Variants in CNOT1 observed in about 807,000 individuals in gnomAD.
The protein encoded by CNOT1 is CCR4-NOT transcription complex subunit 1, also known as CCR4-associated factor 1.
CNOT1 carries 15 observed loss-of-function variants against 273.8 expected under a neutral mutation model. The observed-to-expected ratio is 0.05, with a 90% CI of 0.04 to 0.08. The LOEUF is 0.08. Among genes scored for constraint, CNOT1 ranks in the 10% least tolerant of loss-of-function variants. CNOT1 has a pLI of 1.00. For missense variants in CNOT1, 1,644 were observed against 2,912.2 expected, an observed-to-expected ratio of 0.56 and a Z score of 10.02; for synonymous variants, 1,022 against 1,005.5, an observed-to-expected ratio of 1.02 and a Z score of -0.31.
intron 1 of CNOT1, among the ~76,000 whole-genome samples, 178 bp downstream of exon 1, chr16:58,629,550 G>C (rs1049579138): frequency 6.6e-6 from 1 of 152,086 alleles, no homozygotes; most frequent in Non-Finnish European, 1.5e-5. Flanking sequence ...GTGTGGAGAA[G>C]AGTCCGCCCT....
intron 3 of CNOT1, 83 bp from the exon 4 acceptor site, chr16:58,587,961 T>C: frequency 7.5e-7 from 1 of 1,341,146 alleles, no homozygotes; most frequent in Non-Finnish European, 1.0e-6. Flanking sequence ...AACATTAAAA[T>C]GTGATCTAAC....
At chr16:58,524,213 G>C (rs2039503877) in intron 46 of CNOT1, among the ~76,000 whole-genome samples, 1 of 133,768 alleles carries the variant, frequency 7.5e-6, no homozygotes, top group South Asian at 2.3e-4. Flanking sequence ...TTGCGCCACT[G>C]CCTTCTAGCC....
chr16:58,564,644 T>C (rs756370644), intron 16 of CNOT1, among the ~76,000 whole-genome samples: 3 of 152,214 alleles, frequency 2.0e-5, no homozygotes, highest in Non-Finnish European at 4.4e-5. Context: ...TATTTAGGGA[T>C]AAATTCTTAT....
rs77946398 is a variant in CNOT1 at position 58,592,584 on chromosome 16, A to G, written c.103-3678T>C. Reference sequence around the variant, plus strand: ...AGGCTGGTCAACACACCAAGACTCCATCTCCCTAAAACAAACAAAGTAGTC... The same window carrying G: ...AGGCTGGTCAACACACCAAGACTCCGTCTCCCTAAAACAAACAAAGTAGTC... On this transcript the variant is annotated intron_variant, in intron 2 of 48. Coordinates refer to ENST00000317147, the MANE Select transcript of CNOT1 (RefSeq NM_016284.5). 8.7e-4 allele frequency among the ~76,000 whole-genome samples: 132 copies of G among 152,260 alleles called. 3 individuals carry two copies. The East Asian group carries it at 0.02, about 23-fold the overall frequency.
At position 58,538,245 on chromosome 16, in the gene CNOT1, A is replaced by C; in HGVS notation, c.5157T>G (p.Asp1719Glu). 7.3e-7 allele frequency: 1 copy of C among 1,375,964 alleles called. No individual in the cohort carries two copies. The highest frequency in any genetic ancestry group is 1.0e-6 in the Non-Finnish European group (1 of 962,696). The allele number at this position is 1,375,964 out of a possible 1,614,324, so 85.2% of individuals were successfully genotyped here. The change falls in exon 37 of 49, where the codon GAT becomes GAG. Residue 1719 changes from aspartate (D) to glutamate (E), a missense_variant. Physicochemically the swap from Asp to Glu is conservative, Grantham distance 45. Coordinates refer to ENST00000317147, the MANE Select transcript of CNOT1 (RefSeq NM_016284.5). ...QITRCLIECR[D>E]EYKYNVEAVE... ...CAGCCTCCACATTATATTTATATTC[A>C]TCTCGACATTCAATTAGGCACCTAG...
chr16:58,558,107 T>C (rs901851266), intron 18 of CNOT1, among the ~76,000 whole-genome samples: 2 of 152,228 alleles, frequency 1.3e-5, no homozygotes, highest in African/African-American at 2.4e-5. Flanking sequence ...CTGAACCTGA[T>C]AGGTACAATA....
chr16:58,533,496 C>T (rs867247728), intron 40 of CNOT1, among the ~76,000 whole-genome samples: 17 of 152,252 alleles, frequency 1.1e-4, no homozygotes, highest in Middle Eastern at 3.4e-3. Context: ...ATTAGCCGGG[C>T]GCGGTGGCGG....
intron 45 of CNOT1, 163 bp from the exon 46 acceptor site, chr16:58,525,522 C>T (rs1241693819): frequency 3.2e-6 from 2 of 632,252 alleles, no homozygotes; most frequent in Non-Finnish European, 5.4e-6. Context: ...CACAGATGCT[C>T]CAAAGGTGGT....
At chr16:58,559,754 G>T (rs2040765398) in intron 17 of CNOT1, 1 of 492,380 alleles carries the variant, frequency 2.0e-6, no homozygotes, top group South Asian at 1.4e-5. Context: ...GCAATATGTT[G>T]CTCCCAGAGA....
At chr16:58,533,363 G>A (rs1036786549) in intron 40 of CNOT1, among the ~76,000 whole-genome samples, 3 of 152,144 alleles carry the variant, frequency 2.0e-5, no homozygotes, top group Admixed American at 6.5e-5. Flanking sequence ...GTGGCCGGGC[G>A]CTGTGGCTCA....
chr16:58,539,876 T>C lies in CNOT1; in HGVS notation c.4884A>G (p.Pro1628=), dbSNP rs187331505. Reference sequence around the variant, plus strand: ...GAGCTTGAGGGTTCATGGCCAAAGTTGGTGGGATGGCATGTAGATGTTGCT... The same window carrying C: ...GAGCTTGAGGGTTCATGGCCAAAGTCGGTGGGATGGCATGTAGATGTTGCT... ...ELEQHLHAIP[P]TLAMNPQAQA... The change falls in exon 35 of 49, where the codon CCA becomes CCG. Residue 1628 remains proline (P), a synonymous_variant. Transcript: ENST00000317147. 1.9e-6 allele frequency: 3 copies of C among 1,614,158 alleles called. No individual in the cohort carries two copies. In the Admixed American group the frequency reaches 5.0e-5, roughly 27 times the overall value.
At position 58,554,446 on chromosome 16, in the gene CNOT1, A is replaced by C. The variant is rs528204397; in HGVS notation, c.2892-586T>G. ...AATCCCATCACTGTGGGAGGCAGGA[A>C]GATCACTTGAGGCCAGGAGTTCCAA... On this transcript the variant is annotated intron_variant, in intron 21 of 48. Coordinates refer to ENST00000317147, the MANE Select transcript of CNOT1 (RefSeq NM_016284.5). Among the ~76,000 whole-genome samples, 385 of 152,324 alleles carry C rather than the reference A, an allele frequency of 2.5e-3. 2 individuals carry two copies. Among genetic ancestry groups the C allele is most frequent in the Non-Finnish European group, 4.6e-3 (315 of 68,012 alleles).
chr16:58,597,692 C>A, intron 2 of CNOT1: 1 of 505,262 alleles, frequency 2.0e-6, no homozygotes. Flanking sequence ...TCCCACATGA[C>A]TCAGCCAGGC....
rs200268815 is a variant in CNOT1 at position 58,543,595 on chromosome 16, T to C, written c.4434+12A>G. On this transcript the variant is annotated intron_variant, in intron 31 of 48. Transcript: ENST00000317147. ...ACGTTTTGTACCTATACCAAGGAAA[T>C]AGCCAACTTACACGAAGGGCTGAGG... is the stretch of plus-strand genomic sequence containing the variant. The C allele has an allele frequency of 1.5e-5, 24 of 1,614,004 alleles. No homozygotes were observed. Among genetic ancestry groups the C allele is most frequent in the Admixed American group, 5.0e-5 (3 of 59,980 alleles).
chr16:58,581,893 C>A (rs1364288122), intron 10 of CNOT1, among the ~76,000 whole-genome samples: 1 of 152,010 alleles, frequency 6.6e-6, no homozygotes, highest in Non-Finnish European at 1.5e-5. Context: ...AAACTCCTGG[C>A]CTCATGTGAT....
At chr16:58,587,937 G>T in intron 3 of CNOT1, 59 bp from the exon 4 acceptor site, 2 of 1,479,278 alleles carry the variant, frequency 1.4e-6, no homozygotes, top group Non-Finnish European at 9.3e-7. Flanking sequence ...ACAAACAGAA[G>T]CTGAGGTACT....
chr16:58,536,786 G>A (rs1174386646), intron 39 of CNOT1, among the ~76,000 whole-genome samples: 3 of 152,124 alleles, frequency 2.0e-5, no homozygotes, highest in African/African-American at 7.2e-5. Context: ...AACCAACGGT[G>A]GGAGGGAATG....
intron 2 of CNOT1, among the ~76,000 whole-genome samples, chr16:58,592,050 T>C (rs1293031308): frequency 1.3e-5 from 2 of 152,176 alleles, no homozygotes; most frequent in South Asian, 2.1e-4. Flanking sequence ...ATTTTTCATA[T>C]ATTAAGATTT....
At position 58,539,996 on chromosome 16, in the gene CNOT1, A is replaced by G. The variant is rs200632060; in HGVS notation, c.4801-37T>C. 8.3e-6 allele frequency: 13 copies of G among 1,574,908 alleles called. No homozygotes were observed. In the African/African-American group the frequency reaches 1.5e-4, roughly 18 times the overall value. On this transcript the variant is annotated intron_variant, in intron 34 of 48. Transcript: ENST00000317147. ...AAGGAAACAACCAACAAGAGACAAA[A>G]GAATGTTAAGGTTTTTTATTGACAC...
Sources: gnomAD v4.1 joint callset for allele counts (sites outside exome capture counted in the v4.1 genomes callset) on GRCh38, gnomAD v4.1.1 for gene constraint, MANE v1.5 for transcripts, NCBI Gene and HGNC (gene_info 2026-07-23, HGNC 2026-07-21) for gene names.